ADK: variants seen among roughly 807,000 people sequenced by gnomAD.
ADK encodes the protein N6,N6-dimethyladenosine kinase.
A neutral mutation model predicts 44.7 loss-of-function variants in ADK; 24 were observed. The ratio of observed to expected loss-of-function variants is 0.54; its 90% CI spans 0.39 to 0.76. ADK has a LOEUF of 0.76. Among genes scored for constraint, ADK ranks in the 30% least tolerant of loss-of-function variants. ADK has a pLI of 0.00. For synonymous variants in ADK, 128 were observed against 142.6 expected, an observed-to-expected ratio of 0.90 and a Z score of 0.73; for missense variants, 321 against 425.1, an observed-to-expected ratio of 0.76 and a Z score of 2.15.
chr10:74,302,101 G>GTTTTTT (rs1564642239), intron 3 of ADK, among the ~76,000 whole-genome samples: 3 of 11,708 alleles, frequency 2.6e-4, no homozygotes, highest in African/African-American at 8.5e-4. Context: ...TTTTTTTTTT[G>GTTTTTT]TTTGTTTGTT....
intron 7 of ADK, among the ~76,000 whole-genome samples, chr10:74,582,374 T>A (rs1851401325): frequency 6.6e-6 from 1 of 152,148 alleles, no homozygotes; most frequent in African/African-American, 2.4e-5. Flanking sequence ...TATCCTAACA[T>A]TTTTCTTATG....
intron 10 of ADK, among the ~76,000 whole-genome samples, chr10:74,671,441 A>G (rs1855181358): frequency 6.6e-6 from 1 of 152,122 alleles, no homozygotes; most frequent in Non-Finnish European, 1.5e-5. Context: ...TGAACTATTA[A>G]CCATTAGGAT....
chr10:74,504,581 A>T lies in ADK; in HGVS notation c.556-20675A>T, dbSNP rs570247318. Among the ~76,000 whole-genome samples, 8 of 152,310 alleles carry T rather than the reference A, an allele frequency of 5.3e-5. No individual in the cohort carries two copies. The East Asian group carries it at 1.5e-3, about 29-fold the overall frequency. ...ACAGTAAGCTAGAGAAAAGAAAATC[A>T]TAAGGAAAATATATTCATTGATATG... On this transcript the variant is annotated intron_variant, in intron 6 of 10. Coordinates refer to ENST00000539909, the MANE Select transcript of ADK (RefSeq NM_006721.4).
chr10:74,243,849 G>A (rs540064465), intron 3 of ADK, among the ~76,000 whole-genome samples: 4 of 151,966 alleles, frequency 2.6e-5, no homozygotes, highest in East Asian at 1.9e-4. Flanking sequence ...GTGAGATTAC[G>A]TCTCAAAAAA....
intron 3 of ADK, among the ~76,000 whole-genome samples, chr10:74,233,053 A>T (rs1469724341): frequency 6.6e-6 from 1 of 152,250 alleles, no homozygotes; most frequent in Non-Finnish European, 1.5e-5. Flanking sequence ...CCTTCTACTT[A>T]TGAAGCACTA....
At chr10:74,634,733 TC>T (rs1405101291) in intron 9 of ADK, among the ~76,000 whole-genome samples, 1 of 151,800 alleles carries the variant, frequency 6.6e-6, no homozygotes, top group Admixed American at 6.6e-5. Flanking sequence ...TTTCCTGAAG[TC>T]AGGAGTTCGA....
rs1478426586 is a variant in ADK at position 74,670,314 on chromosome 10, T to C, written c.964+45T>C. ...ATTCTTACTTACAAGTAAAACATTT[T>C]AACCCTTGTTTCTACCATATAACCA... On this transcript the variant is annotated intron_variant, in intron 10 of 10. Transcript: ENST00000539909. The C allele has an allele frequency of 2.1e-6, 3 of 1,462,026 alleles. No homozygotes were observed. In the African/African-American group the frequency reaches 4.2e-5, roughly 20 times the overall value. The allele number at this position is 1,462,026 out of a possible 1,614,324, so 90.6% of individuals were successfully genotyped here.
Position 74,203,951 on chromosome 10 carries a change from C to CTTTT in ADK, c.140+3132_140+3135dup, listed in dbSNP as rs760810639. On this transcript the variant is annotated intron_variant, in intron 2 of 10. Coordinates refer to ENST00000539909, the MANE Select transcript of ADK (RefSeq NM_006721.4). Reference sequence around the variant, plus strand: ...AGAATGTCTTTCCATTTATTTAGGTCTTTTTTTTTTTTTTTTTTTTTTGGA... The same window carrying CTTTT: ...AGAATGTCTTTCCATTTATTTAGGTCTTTTTTTTTTTTTTTTTTTTTTTTTTGGA... Among the ~76,000 whole-genome samples the CTTTT allele has an allele frequency of 9.3e-4, 89 of 95,804 alleles. 1 individual carries two copies. The highest frequency in any genetic ancestry group is 2.5e-3 in the African/African-American group (61 of 24,018). The allele number at this position is 95,804 out of a possible 152,430, so 62.9% of individuals were successfully genotyped here. A position where few individuals can be genotyped will look rare whatever the true frequency, so the allele number is the denominator to read the frequency against.
At chr10:74,666,195 G>A (rs1429187890) in intron 9 of ADK, among the ~76,000 whole-genome samples, 1 of 152,192 alleles carries the variant, frequency 6.6e-6, no homozygotes, top group Non-Finnish European at 1.5e-5. Flanking sequence ...GGCCTCTTAA[G>A]TGATTAGGTA....
intron 1 of ADK, among the ~76,000 whole-genome samples, chr10:74,177,951 T>TTTG (rs1376437878): frequency 7.2e-6 from 1 of 139,198 alleles, no homozygotes; most frequent in African/African-American, 2.7e-5. Context: ...ATATATTTTT[T>TTTG]TTTTTTTGAG....
rs531902336 is a variant in ADK, at chr10:74,410,986, A to T, written c.555+12407A>T. ...ATAGCTAAACTTTTTCTCACCTTTT[A>T]TCATTGTTCCAAGTGCAGTTTTGAA... On this transcript the variant is annotated intron_variant, in intron 6 of 10. Transcript: ENST00000539909. Among the ~76,000 whole-genome samples, 7 of 152,308 alleles carry T rather than the reference A, an allele frequency of 4.6e-5. No homozygotes were observed. In the East Asian group the frequency reaches 1.3e-3, roughly 29 times the overall value.
At chr10:74,310,851 T>TC (rs1840411617) in intron 3 of ADK, among the ~76,000 whole-genome samples, 2 of 152,132 alleles carry the variant, frequency 1.3e-5, no homozygotes, top group African/African-American at 2.4e-5. Flanking sequence ...ATTTTTTTTT[T>TC]CTCCCTTAAG....
rs1843434602 is a variant in ADK at position 74,394,244 on chromosome 10, A to T, written c.377A>T (p.Asp126Val). ...AGAAAAGCTGCTGAAGCCCATGTGGATGCTCATTACTACGAGCAGAATGAG... is the reference window on the plus strand; with the variant it reads ...AGAAAAGCTGCTGAAGCCCATGTGGTTGCTCATTACTACGAGCAGAATGAG... ...LKRKAAEAHV[D>V]AHYYEQNEQP... The change falls in exon 5 of 11, where the codon GAT becomes GTT. Residue 126 changes from aspartate (D) to valine (V), a missense_variant. Transcript: ENST00000539909. 6.2e-7 allele frequency: 1 copy of T among 1,613,950 alleles called. No homozygotes were observed. Among genetic ancestry groups the T allele is most frequent in the Non-Finnish European group, 8.5e-7 (1 of 1,179,956 alleles).
At chr10:74,702,166 G>T (rs1856442505) in intron 10 of ADK, among the ~76,000 whole-genome samples, 1 of 151,434 alleles carries the variant, frequency 6.6e-6, no homozygotes, top group African/African-American at 2.4e-5. Flanking sequence ...TGGGACTTTT[G>T]ATAAAGAACA....
intron 6 of ADK, 107 bp from the exon 7 acceptor site, chr10:74,525,149 A>T: frequency 8.9e-7 from 1 of 1,126,424 alleles, no homozygotes; most frequent in Non-Finnish European, 1.3e-6. Flanking sequence ...TGCATCTTAT[A>T]ATTGTATTTT....
intron 4 of ADK, among the ~76,000 whole-genome samples, chr10:74,351,892 A>G (rs188104180): frequency 6.6e-6 from 1 of 152,266 alleles, no homozygotes; most frequent in African/African-American, 2.4e-5. Flanking sequence ...AGAACCAGAA[A>G]CCACTGCCCA....
chr10:74,362,700 G>T (rs1842373370), intron 4 of ADK, among the ~76,000 whole-genome samples: 1 of 152,166 alleles, frequency 6.6e-6, no homozygotes, highest in African/African-American at 2.4e-5. Context: ...TTCTTCAAGA[G>T]GCCTTCCAGG....
chr10:74,153,364 A>G (rs1272272407), intron 1 of ADK, among the ~76,000 whole-genome samples: 3 of 152,020 alleles, frequency 2.0e-5, no homozygotes, highest in East Asian at 1.9e-4. Context: ...ACATAGGACA[A>G]CCCCCACAAC....
chr10:74,170,162 T>A (rs1378152523), intron 1 of ADK, among the ~76,000 whole-genome samples: 1 of 152,184 alleles, frequency 6.6e-6, no homozygotes, highest in Admixed American at 6.5e-5. Context: ...TTAAGTAACA[T>A]GCAGGGAAAA....
Sources: allele counts gnomAD v4.1 joint callset (sites outside exome capture counted in the v4.1 genomes callset), GRCh38; gene constraint gnomAD v4.1.1; transcripts MANE v1.5; gene names NCBI Gene and HGNC (gene_info 2026-07-23, HGNC 2026-07-21).